DPP6: variants seen among roughly 807,000 people sequenced by gnomAD.
DPP6 encodes A-type potassium channel modulatory protein DPP6.
DPP6 carries 69 observed loss-of-function variants against 122.6 expected under a neutral mutation model. The observed-to-expected ratio is 0.56, with a 90% CI of 0.46 to 0.69. The LOEUF (loss-of-function observed/expected upper bound fraction) is 0.69. Ranked by LOEUF, DPP6 falls within the 30% of genes least tolerant of loss-of-function variation. DPP6 has a pLI of 0.00. For synonymous variants in DPP6, 418 were observed against 433.1 expected (o/e 0.97, Z 0.43); for missense variants, 928 against 1,116.9 (o/e 0.83, Z 2.41).
chr7:154,178,199 A>G (rs1304843419), intron 1 of DPP6, among the ~76,000 whole-genome samples: 1 of 152,164 alleles, frequency 6.6e-6, no homozygotes, highest in Non-Finnish European at 1.5e-5. Context: ...GGTCACTGCT[A>G]ATTTGAAGAT....
chr7:153,927,932 C>A (rs1325777017), intron 1 of DPP6, among the ~76,000 whole-genome samples: 1 of 152,084 alleles, frequency 6.6e-6, no homozygotes, highest in Non-Finnish European at 1.5e-5. Flanking sequence ...ATGATAATTG[C>A]CAAAAGAATA....
At chr7:154,087,828 TACAG>T (rs879859169) in intron 1 of DPP6, among the ~76,000 whole-genome samples, 9 of 152,238 alleles carry the variant, frequency 5.9e-5, no homozygotes, top group South Asian at 2.1e-4. Context: ...GATTATTAAA[TACAG>T]ACATATAGAC....
chr7:154,022,452 A>G (rs1308705749), intron 1 of DPP6, among the ~76,000 whole-genome samples: 1 of 152,218 alleles, frequency 6.6e-6, no homozygotes, highest in Non-Finnish European at 1.5e-5. Flanking sequence ...GGAGAATGTG[A>G]AAGATGTGAA....
intron 7 of DPP6, among the ~76,000 whole-genome samples, chr7:154,707,674 A>G (rs1354485095): frequency 1.3e-5 from 2 of 152,162 alleles, no homozygotes; most frequent in African/African-American, 4.8e-5. Context: ...TCTCCTCTGT[A>G]TTAGTCTGTT....
the DPP6 span, among the ~76,000 whole-genome samples, chr7:153,799,140 T>C: frequency 2.3e-4 from 35 of 152,330 alleles, no homozygotes; most frequent in East Asian, 6.8e-3. Context: ...AACAGACTGA[T>C]AGCTACTGGT....
At chr7:154,577,513 T>G in intron 5 of DPP6, among the ~76,000 whole-genome samples, 1 of 152,172 alleles carries the variant, frequency 6.6e-6, no homozygotes, top group Admixed American at 6.5e-5. Flanking sequence ...CACTGTTGCT[T>G]GGCCTCCTGC....
At chr7:154,225,236 A>G (rs1800526023) in intron 1 of DPP6, among the ~76,000 whole-genome samples, 1 of 152,210 alleles carries the variant, frequency 6.6e-6, no homozygotes, top group Non-Finnish European at 1.5e-5. Flanking sequence ...TTATACCTCG[A>G]ATCCCTTTTG....
At chr7:154,184,068 C>A (rs1798232510) in intron 1 of DPP6, among the ~76,000 whole-genome samples, 1 of 152,102 alleles carries the variant, frequency 6.6e-6, no homozygotes, top group Non-Finnish European at 1.5e-5. Context: ...CCTTTATCCA[C>A]AAACATGGAT....
intron 1 of DPP6, among the ~76,000 whole-genome samples, chr7:154,392,959 G>A (rs1026082611): frequency 5.3e-5 from 8 of 152,150 alleles, no homozygotes; most frequent in African/African-American, 1.7e-4. Context: ...GAATTCAGGA[G>A]ATCAAAGTAT....
chr7:154,127,597 T>TCACACACACACACACACACACA (rs71182879), intron 1 of DPP6, among the ~76,000 whole-genome samples: 5 of 136,804 alleles, frequency 3.7e-5, no homozygotes, highest in African/African-American at 1.5e-4. Flanking sequence ...GAGCAGCATC[T>TCACACACACACACACACACACA]CACACACACA....
chr7:153,867,657 G>A, the DPP6 span, among the ~76,000 whole-genome samples: 5 of 152,224 alleles, frequency 3.3e-5, no homozygotes, highest in South Asian at 2.1e-4. Context: ...TCTCCTGCCT[G>A]ATTGCCCTGG....
At chr7:154,645,995 T>G (rs1009321336) in intron 6 of DPP6, among the ~76,000 whole-genome samples, 1 of 115,538 alleles carries the variant, frequency 8.7e-6, no homozygotes, top group Non-Finnish European at 1.6e-5. Flanking sequence ...GCCACTGCAC[T>G]CCAGCTCGGG....
intron 8 of DPP6, among the ~76,000 whole-genome samples, chr7:154,762,530 C>G (rs1795622423): frequency 6.6e-6 from 1 of 152,230 alleles, no homozygotes. Flanking sequence ...CCACGGCCTT[C>G]CGCAGTAGTT....
intron 4 of DPP6, among the ~76,000 whole-genome samples, chr7:154,547,754 G>GTC (rs1195528889): frequency 2.6e-5 from 4 of 151,850 alleles, no homozygotes; most frequent in South Asian, 2.1e-4. Flanking sequence ...GTCTCAGAGG[G>GTC]TCTCTCTCTC....
the DPP6 span, among the ~76,000 whole-genome samples, chr7:153,775,631 T>A: frequency 6.6e-6 from 1 of 152,090 alleles, no homozygotes; most frequent in Non-Finnish European, 1.5e-5. Context: ...AATTTGAACA[T>A]AAGAAAACTG....
intron 2 of DPP6, among the ~76,000 whole-genome samples, chr7:154,452,535 T>TA (rs1489041203): frequency 2.6e-5 from 4 of 152,324 alleles, no homozygotes; most frequent in East Asian, 1.9e-4. Flanking sequence ...TGTGCTTTTT[T>TA]AAAAAAATAG....
intron 1 of DPP6, chr7:154,305,622 G>T: frequency 6.5e-7 from 1 of 1,532,934 alleles, no homozygotes; most frequent in South Asian, 1.2e-5. Flanking sequence ...GTGTGTGCAT[G>T]AGAGAGACAG....
chr7:153,788,603 T>C, the DPP6 span, among the ~76,000 whole-genome samples: 1 of 152,190 alleles, frequency 6.6e-6, no homozygotes, highest in Non-Finnish European at 1.5e-5. Flanking sequence ...AAGGAGTTCA[T>C]ACTGCCATAA....
chr7:154,080,431 G>C (rs1309675489), intron 1 of DPP6, among the ~76,000 whole-genome samples: 1 of 152,184 alleles, frequency 6.6e-6, no homozygotes, highest in Non-Finnish European at 1.5e-5. Flanking sequence ...TCTTATGTAA[G>C]AATGTTTAAC....
Sources: gnomAD v4.1 joint callset for allele counts (sites outside exome capture counted in the v4.1 genomes callset) on GRCh38, gnomAD v4.1.1 for gene constraint, MANE v1.5 for transcripts, NCBI Gene and HGNC (gene_info 2026-07-23, HGNC 2026-07-21) for gene names.